DNAJC11: variants seen among roughly 807,000 people sequenced by gnomAD.
DNAJC11 encodes DnaJ heat shock protein family (Hsp40) member C11.
In DNAJC11, 15 loss-of-function variants were observed where a neutral mutation model predicts 78.6. The observed-to-expected ratio is 0.19, with a 90% confidence interval of 0.13 to 0.29. The LOEUF (loss-of-function observed/expected upper bound fraction) is 0.29. DNAJC11 is among the 10% of genes least tolerant of loss of function. The probability of loss-of-function intolerance (pLI) is 1.00; values close to 1 mark genes in which losing one functional copy is unlikely to be tolerated. For missense variants in DNAJC11, 547 were observed against 709.6 expected, an observed-to-expected ratio of 0.77 and a Z score of 2.60; for synonymous variants, 292 against 272.1, an observed-to-expected ratio of 1.07 and a Z score of -0.72.
At chr1:6,643,385 C>G (rs1038396730) in intron 10 of DNAJC11, among the ~76,000 whole-genome samples, 1 of 151,512 alleles carries the variant, frequency 6.6e-6, no homozygotes, top group East Asian at 1.9e-4. Context: ...ACACCATTCT[C>G]CTGCCTCAGC....
intron 1 of DNAJC11, among the ~76,000 whole-genome samples, chr1:6,685,243 C>A (rs535993789): frequency 6.6e-6 from 1 of 152,338 alleles, no homozygotes; most frequent in South Asian, 2.1e-4. Context: ...ATCAGTGGTT[C>A]TCAAAGTGTG....
chr1:6,660,115 C>T (rs959739063), intron 4 of DNAJC11, among the ~76,000 whole-genome samples: 21 of 150,274 alleles, frequency 1.4e-4, no homozygotes, highest in Admixed American at 4.0e-4. Context: ...CCACTTCCTT[C>T]GCTTTATGTA....
intron 1 of DNAJC11, among the ~76,000 whole-genome samples, chr1:6,695,929 G>T (rs1441106725): frequency 1.3e-5 from 2 of 152,184 alleles, no homozygotes; most frequent in African/African-American, 4.8e-5. Flanking sequence ...CTACATAGTG[G>T]CCTCCCTCTA....
chr1:6,699,725 C>T (rs1472401653), intron 1 of DNAJC11, among the ~76,000 whole-genome samples: 1 of 151,780 alleles, frequency 6.6e-6, no homozygotes, highest in Non-Finnish European at 1.5e-5. Flanking sequence ...GCACGTTCTG[C>T]ACATGTATCC....
intron 1 of DNAJC11, among the ~76,000 whole-genome samples, chr1:6,698,614 C>A (rs988159345): frequency 7.0e-6 from 1 of 143,796 alleles, no homozygotes; most frequent in Non-Finnish European, 1.5e-5. Flanking sequence ...TGCCTTCACT[C>A]ATTGGGAGAA....
intron 9 of DNAJC11, 88 bp downstream of exon 9, chr1:6,644,953 G>A (rs1054655554): frequency 5.5e-6 from 7 of 1,261,700 alleles, no homozygotes; most frequent in South Asian, 2.4e-5. Context: ...ATATTCACAC[G>A]AGCAAGGTGT....
At chr1:6,671,194 G>C (rs771686133) in intron 3 of DNAJC11, among the ~76,000 whole-genome samples, 1 of 152,156 alleles carries the variant, frequency 6.6e-6, no homozygotes, top group Admixed American at 6.5e-5. Flanking sequence ...TGGATAAAGA[G>C]ATTTGATTTG....
intron 3 of DNAJC11, among the ~76,000 whole-genome samples, chr1:6,675,496 A>T (rs892769831): frequency 2.6e-5 from 4 of 151,986 alleles, no homozygotes; most frequent in African/African-American, 9.7e-5. Context: ...GCTCACTGAA[A>T]CCTCGACCTC....
chr1:6,641,406 TACACACACACACAC>T (rs70981395), intron 10 of DNAJC11, among the ~76,000 whole-genome samples: 3 of 140,096 alleles, frequency 2.1e-5, no homozygotes, highest in South Asian at 2.2e-4. Context: ...TATATATATA[TACACACACACACAC>T]ACACACACAC....
At chr1:6,636,785 G>A (rs732210) in intron 14 of DNAJC11, among the ~76,000 whole-genome samples, 10,797 of 152,188 alleles carry the variant, frequency 0.071, 547 homozygotes, top group Non-Finnish European at 0.12. Flanking sequence ...TGCTGATGAC[G>A]GCAAAGATCC....
chr1:6,638,446 C>T (rs545423666), intron 11 of DNAJC11, 82 bp from the exon 12 acceptor site: 19 of 1,358,268 alleles, frequency 1.4e-5, no homozygotes, highest in South Asian at 9.1e-5. Flanking sequence ...GTGCTGGACC[C>T]GAGCCCAGCA....
At chr1:6,636,358 T>C in intron 14 of DNAJC11, 112 bp from the exon 15 acceptor site, 1 of 1,442,632 alleles carries the variant, frequency 6.9e-7, no homozygotes, top group Non-Finnish European at 9.3e-7. Flanking sequence ...CCTGGGGAGA[T>C]GCAAACTTTG....
At position 6,645,682 on chromosome 1, in the gene DNAJC11, A is replaced by T. The variant is rs2148730313; in HGVS notation, c.894+107T>A. The T allele has an allele frequency of 7.6e-7, 1 of 1,311,894 alleles. No homozygotes were observed. Among genetic ancestry groups the T allele is most frequent in the Middle Eastern group, 2.4e-4 (1 of 4,124 alleles). 81.3% of individuals were successfully genotyped at this position (1,311,894 alleles called of 1,614,324 possible). ...GCCCCTCAGGGCCCTGTATGGGCTT[A>T]GACTTAGTGGTGATCAGGACGCAGG... On this transcript the variant is annotated intron_variant, in intron 8 of 15. Coordinates refer to ENST00000377577, the MANE Select transcript of DNAJC11 (RefSeq NM_018198.4). This position sits in a 1 kb window ranked among gnomAD's most constrained non-coding sequence, Gnocchi z 4.1.
chr1:6,665,885 C>T (rs1455250452), intron 4 of DNAJC11, among the ~76,000 whole-genome samples: 3 of 152,160 alleles, frequency 2.0e-5, no homozygotes, highest in Non-Finnish European at 2.9e-5. Flanking sequence ...TCTGCCAATA[C>T]CGACCTTCCA....
chr1:6,648,260 A>G (rs922578026), intron 7 of DNAJC11, among the ~76,000 whole-genome samples: 1 of 152,046 alleles, frequency 6.6e-6, no homozygotes, highest in African/African-American at 2.4e-5. Context: ...GGTTCAGGCA[A>G]TTCTCCTGCC....
intron 4 of DNAJC11, among the ~76,000 whole-genome samples, chr1:6,658,046 C>T (rs1642158016): frequency 1.3e-5 from 2 of 152,202 alleles, no homozygotes; most frequent in African/African-American, 4.8e-5. Flanking sequence ...AGAATCTTCA[C>T]CAGGACTAGG....
Position 6,701,760 on chromosome 1 carries a change from T to C in DNAJC11, c.41A>G (p.Asp14Gly). 6.4e-7 allele frequency: 1 copy of C among 1,567,752 alleles called. No homozygotes were observed. Among genetic ancestry groups the C allele is most frequent in the South Asian group, 1.2e-5 (1 of 85,330 alleles). ...GCGCACGTTCAGCAACGAGTAATAG[T>C]CTTCATTGTCCAGCTCCTCCTCGCT... Reference protein sequence around the residue: ...ALSEEELDNEDYYSLLNVRRE... With the variant: ...ALSEEELDNEGYYSLLNVRRE... The change falls in exon 1 of 16, where the codon GAC (aspartate) becomes GGC (glycine). Residue 14 changes from aspartate to glycine, a missense_variant. Transcript: ENST00000377577.
At chr1:6,651,115 G>A (rs1464365251) in intron 7 of DNAJC11, 1 of 535,972 alleles carries the variant, frequency 1.9e-6, no homozygotes, top group South Asian at 1.4e-5. Context: ...AGGAAGCAGA[G>A]GCTGGCTGGG....
chr1:6,667,392 A>G (rs1642309479), intron 4 of DNAJC11, among the ~76,000 whole-genome samples: 2 of 152,098 alleles, frequency 1.3e-5, no homozygotes, highest in South Asian at 4.1e-4. Context: ...GCACAGTTGG[A>G]GGAAACAGCC....
Sources: gnomAD v4.1 joint callset for allele counts (sites outside exome capture counted in the v4.1 genomes callset) on GRCh38, gnomAD v4.1.1 for gene constraint, Gnocchi (gnomAD v3.1) non-coding constraint, MANE v1.5 for transcripts, NCBI Gene and HGNC (gene_info 2026-07-23, HGNC 2026-07-21) for gene names.